Variants in SPATA1 observed in about 807,000 individuals in gnomAD.
The protein encoded by SPATA1 is spermatogenesis-associated protein 1.
In SPATA1, 57 loss-of-function variants were observed where a neutral mutation model predicts 59.6. That is an observed-to-expected ratio of 0.96 (90% CI 0.77 to 1.19). The LOEUF (loss-of-function observed/expected upper bound fraction) is 1.19. Ranked by LOEUF, SPATA1 falls within the 50% of genes most tolerant of loss-of-function variation. SPATA1 has a pLI of 0.00. For missense variants in SPATA1, 448 were observed against 480.7 expected (o/e 0.93, Z 0.64); for synonymous variants, 147 against 163.9 (o/e 0.90, Z 0.79).
intron 12 of SPATA1, chr1:84,552,449 CCACTT>C (rs1482143007): frequency 6.6e-6 from 1 of 151,982 alleles, no homozygotes; most frequent in Admixed American, 6.6e-5. Context: ...CTGGCTGTAC[CCACTT>C]CACTTACTAG....
chr1:84,540,897 A>T (rs189647326), intron 8 of SPATA1, among the ~76,000 whole-genome samples: 216 of 152,302 alleles, frequency 1.4e-3, no homozygotes, highest in African/African-American at 4.9e-3. Flanking sequence ...GATGTGGCCC[A>T]GACATATTTA....
downstream of SPATA1, among the ~76,000 whole-genome samples, chr1:84,566,991 G>A (rs1684712753): frequency 6.6e-6 from 1 of 152,080 alleles, no homozygotes. Context: ...TATGTTTATT[G>A]CCTTAACCAA....
intron 11 of SPATA1, 138 bp downstream of exon 11, chr1:84,549,102 T>G (rs1684191850): frequency 1.1e-5 from 9 of 814,916 alleles, no homozygotes; most frequent in Non-Finnish European, 1.2e-5. Context: ...ACTCATGACC[T>G]TATGTAATAG....
chr1:84,526,969 GGA>G (rs957262743), intron 6 of SPATA1, among the ~76,000 whole-genome samples: 2 of 143,306 alleles, frequency 1.4e-5, no homozygotes, highest in African/African-American at 5.4e-5. Flanking sequence ...AGAATCAATA[GGA>G]AAAAAAGATA....
exon 10 of SPATA1, chr1:84,545,638 G>C: frequency 6.6e-7 from 1 of 1,511,330 alleles, no homozygotes; most frequent in Non-Finnish European, 8.8e-7. Flanking sequence ...CTTTAGGAGA[G>C]AAGATTATCA....
At chr1:84,511,679 CTTT>C (rs1310907189) in intron 1 of SPATA1, among the ~76,000 whole-genome samples, 2 of 67,604 alleles carry the variant, frequency 3.0e-5, no homozygotes, top group South Asian at 5.1e-4. Flanking sequence ...TTCTTTCTTT[CTTT>C]TTTTTTTTTT....
At chr1:84,526,843 G>T (rs539561510) in intron 6 of SPATA1, among the ~76,000 whole-genome samples, 166 of 144,332 alleles carry the variant, frequency 1.2e-3, no homozygotes, top group African/African-American at 4.2e-3. Context: ...CCTCCAGTCT[G>T]GGTGACAGAG....
rs533084639 is a variant in SPATA1, at chr1:84,560,677, G to C, written n.442+4698G>C. On this transcript the variant is annotated intron_variant and non_coding_transcript_variant, in intron 4 of 4. Transcript: ENST00000460286. ...ACCTGGCTTTAAAGCTCAAAGTACA[G>C]GCTGATTCTCTTGTTAGGGACTAAT... 1.1e-3 allele frequency among the ~76,000 whole-genome samples: 165 copies of C among 152,292 alleles called. 1 individual carries two copies. Among genetic ancestry groups the C allele is most frequent in the African/African-American group, 3.7e-3 (155 of 41,554 alleles).
At chr1:84,555,167 A>G, downstream of SPATA1, 1 of 1,613,878 alleles carries the variant, frequency 6.2e-7, no homozygotes, top group South Asian at 1.1e-5. Flanking sequence ...GAGGGTTATC[A>G]TACCATACTT....
exon 6 of SPATA1, chr1:84,525,984 G>T: frequency 6.2e-7 from 1 of 1,613,668 alleles, no homozygotes. Flanking sequence ...AGACCAATTA[G>T]TGTAACTTTG....
chr1:84,545,880 G>A (rs1684070206), intron 10 of SPATA1, 121 bp downstream of exon 10: 3 of 725,860 alleles, frequency 4.1e-6, no homozygotes, highest in Non-Finnish European at 5.9e-6. Flanking sequence ...TTTAGTTTAA[G>A]TGGTACATGA....
rs564971129 is a variant in SPATA1 at position 84,514,433 on chromosome 1, A to G, written c.-137-1790A>G. Among the ~76,000 whole-genome samples the G allele has an allele frequency of 9.8e-5, 15 of 152,344 alleles. No homozygotes were observed. The South Asian group carries it at 3.1e-3, about 32-fold the overall frequency. On this transcript the variant is annotated intron_variant, in intron 1 of 12. Transcript: ENST00000490879. ...AATGTTTCAGATTTCAGATTTTTTC[A>G]AATTTTGGGATATTTGCATTATATC...
chr1:84,550,939 C>A, intron 12 of SPATA1: 4 of 977,022 alleles, frequency 4.1e-6, no homozygotes, highest in Non-Finnish European at 4.9e-6. Context: ...CATATGTATT[C>A]TATTATTTAA....
Position 84,533,425 on chromosome 1 carries a change from A to G in SPATA1, c.660-284A>G, listed in dbSNP as rs545503159. 6.0e-4 allele frequency among the ~76,000 whole-genome samples: 92 copies of G among 152,230 alleles called. No individual in the cohort carries two copies. The Middle Eastern group carries it at 0.01, about 17-fold the overall frequency. ...AAACAGTTATTCACAAAAGAACAATAAACAAATATGTTTCTAAAATTTCAA... is the reference window on the plus strand; with the variant it reads ...AAACAGTTATTCACAAAAGAACAATGAACAAATATGTTTCTAAAATTTCAA... On this transcript the variant is annotated intron_variant, in intron 7 of 12. Transcript: ENST00000490879.
chr1:84,557,943 GT>G (rs1684496864), downstream of SPATA1, among the ~76,000 whole-genome samples: 1 of 151,896 alleles, frequency 6.6e-6, no homozygotes. Flanking sequence ...GCACCAAAAT[GT>G]TTCCTGAATT....
chr1:84,564,350 C>CT (rs1684649511), intron 4 of SPATA1, among the ~76,000 whole-genome samples: 1 of 152,152 alleles, frequency 6.6e-6, no homozygotes, highest in African/African-American at 2.4e-5. Flanking sequence ...ATCCCTGGAA[C>CT]TATCAGTCCT....
chr1:84,522,969 A>G (rs1683087845), intron 4 of SPATA1, among the ~76,000 whole-genome samples: 1 of 149,404 alleles, frequency 6.7e-6, no homozygotes, highest in African/African-American at 2.5e-5. Flanking sequence ...AGAGTGCTGT[A>G]GTGTGATCTT....
chr1:84,557,357 A>ACC (rs1317024215), downstream of SPATA1, among the ~76,000 whole-genome samples: 13 of 151,708 alleles, frequency 8.6e-5, no homozygotes, highest in Non-Finnish European at 1.5e-4. Flanking sequence ...ACATGGTGAA[A>ACC]CCCTGCCTCT....
At chr1:84,552,261 A>G (rs542135171) in intron 12 of SPATA1, 42 of 152,294 alleles carry the variant, frequency 2.8e-4, no homozygotes, top group African/African-American at 8.7e-4. Context: ...AGTGCTTCTC[A>G]AAGTTTAATA....
Sources: gnomAD v4.1 joint callset for allele counts (sites outside exome capture counted in the v4.1 genomes callset) on GRCh38, gnomAD v4.1.1 for gene constraint, MANE v1.5 for transcripts, NCBI Gene and HGNC (gene_info 2026-07-23, HGNC 2026-07-21) for gene names.